Variants in LRRC4C observed in about 807,000 individuals in gnomAD.
LRRC4C encodes leucine rich repeat containing 4C.
A neutral mutation model predicts 33.6 loss-of-function variants in LRRC4C; 5 were observed. That is an observed-to-expected ratio of 0.15 (90% CI 0.08 to 0.31). The LOEUF (loss-of-function observed/expected upper bound fraction) is 0.31, where lower values mean the gene tolerates loss of function less well. LRRC4C is among the 10% of genes least tolerant of loss of function. The pLI, the probability that LRRC4C is intolerant of heterozygous loss-of-function variation, is 1.00. For missense variants in LRRC4C, 560 were observed against 796.7 expected (o/e 0.70, Z 3.58); for synonymous variants, 329 against 302.0 (o/e 1.09, Z -0.93).
At chr11:40,993,735 C>A (rs1171627238) in intron 1 of LRRC4C, among the ~76,000 whole-genome samples, 1 of 151,862 alleles carries the variant, frequency 6.6e-6, no homozygotes, top group Non-Finnish European at 1.5e-5. Flanking sequence ...TCACCAGAGA[C>A]AAAAAGATAG....
intron 1 of LRRC4C, among the ~76,000 whole-genome samples, chr11:40,992,894 C>T (rs191588344): frequency 1.3e-5 from 2 of 152,112 alleles, no homozygotes; most frequent in African/African-American, 4.8e-5. Context: ...TCTGCCAGTA[C>T]AGACAAGAAC....
At chr11:41,381,585 C>G in intron 1 of LRRC4C, among the ~76,000 whole-genome samples, 1 of 150,782 alleles carries the variant, frequency 6.6e-6, no homozygotes, top group African/African-American at 2.4e-5. Context: ...CAAGATTGCG[C>G]CACTGTACTC....
intron 1 of LRRC4C, among the ~76,000 whole-genome samples, chr11:41,358,233 C>T (rs78846168): frequency 0.019 from 2,956 of 152,130 alleles, 92 homozygotes; most frequent in African/African-American, 0.069. Context: ...GAATCTTAGA[C>T]TCTTTGCAAA....
At chr11:41,354,718 A>G (rs137994762) in intron 1 of LRRC4C, among the ~76,000 whole-genome samples, 2 of 152,158 alleles carry the variant, frequency 1.3e-5, no homozygotes, top group Non-Finnish European at 2.9e-5. Context: ...TTCTACCACC[A>G]TCTAATCTTC....
At chr11:40,226,928 T>G (rs1366917108) in intron 5 of LRRC4C, among the ~76,000 whole-genome samples, 1 of 152,090 alleles carries the variant, frequency 6.6e-6, no homozygotes, top group Non-Finnish European at 1.5e-5. Context: ...TTACAAAGAG[T>G]CTTTTATCTC....
At chr11:40,998,877 C>T (rs1854165305) in intron 1 of LRRC4C, among the ~76,000 whole-genome samples, 1 of 152,024 alleles carries the variant, frequency 6.6e-6, no homozygotes, top group Admixed American at 6.6e-5. Context: ...CCCCAGCAAC[C>T]CAACCCAAAT....
intron 5 of LRRC4C, among the ~76,000 whole-genome samples, chr11:40,183,104 A>AT (rs1196544499): frequency 1.3e-5 from 2 of 152,346 alleles, no homozygotes; most frequent in Non-Finnish European, 2.9e-5. Flanking sequence ...AAATAAAGAG[A>AT]TTTTTTAAAA....
chr11:40,952,173 G>A (rs942341203), intron 1 of LRRC4C, among the ~76,000 whole-genome samples: 3 of 151,882 alleles, frequency 2.0e-5, no homozygotes, highest in Non-Finnish European at 4.4e-5. Flanking sequence ...AGCAATGTGA[G>A]TGACTAAGTA....
At chr11:40,438,954 A>G (rs1214135116) in intron 3 of LRRC4C, among the ~76,000 whole-genome samples, 16 of 133,262 alleles carry the variant, frequency 1.2e-4, no homozygotes, top group Non-Finnish European at 4.7e-5. Flanking sequence ...TTTTTGAGAC[A>G]GAGTCTCACT....
At chr11:40,750,725 C>T (rs1468289759) in intron 2 of LRRC4C, among the ~76,000 whole-genome samples, 1 of 150,332 alleles carries the variant, frequency 6.7e-6, no homozygotes, top group African/African-American at 2.4e-5. Flanking sequence ...ATGGGTGCAG[C>T]ACACCAACAT....
chr11:40,571,313 A>C (rs1957974427), intron 3 of LRRC4C, among the ~76,000 whole-genome samples: 1 of 152,052 alleles, frequency 6.6e-6, no homozygotes, highest in Non-Finnish European at 1.5e-5. Flanking sequence ...TTGCCCACCG[A>C]TGTTAATTTT....
intron 5 of LRRC4C, among the ~76,000 whole-genome samples, chr11:40,143,772 A>G (rs187724043): frequency 3.3e-5 from 5 of 152,252 alleles, no homozygotes; most frequent in Non-Finnish European, 5.9e-5. Flanking sequence ...TCTCAAAACT[A>G]GAGATAACAT....
intron 1 of LRRC4C, among the ~76,000 whole-genome samples, chr11:41,336,427 A>T (rs1951455304): frequency 1.5e-5 from 2 of 133,972 alleles, no homozygotes; most frequent in Admixed American, 1.6e-4. Flanking sequence ...GTGGGAAAAA[A>T]AAATAAAAGG....
intron 4 of LRRC4C, among the ~76,000 whole-genome samples, chr11:40,295,366 T>C (rs2136621619): frequency 6.6e-6 from 1 of 152,294 alleles, no homozygotes; most frequent in African/African-American, 2.4e-5. Context: ...TCCTCTGTTT[T>C]GTATGCCCTA....
At chr11:40,513,886 G>T (rs1010857977) in intron 3 of LRRC4C, among the ~76,000 whole-genome samples, 1 of 152,086 alleles carries the variant, frequency 6.6e-6, no homozygotes, top group African/African-American at 2.4e-5. Context: ...ACAGGAAAGG[G>T]TGATAGAAAC....
intron 3 of LRRC4C, among the ~76,000 whole-genome samples, chr11:40,631,985 A>G (rs890378583): frequency 2.0e-5 from 3 of 152,190 alleles, no homozygotes; most frequent in African/African-American, 7.2e-5. Context: ...CTTGAAGCAG[A>G]TATTATTAAC....
chr11:40,776,007 AT>A (rs565727439), intron 2 of LRRC4C, among the ~76,000 whole-genome samples: 75 of 152,100 alleles, frequency 4.9e-4, no homozygotes, highest in Non-Finnish European at 8.2e-4. Context: ...TATCAAAAGG[AT>A]TTTCTGTATC....
intron 1 of LRRC4C, among the ~76,000 whole-genome samples, chr11:41,444,322 A>G (rs1955750310): frequency 6.6e-6 from 1 of 152,244 alleles, no homozygotes; most frequent in Admixed American, 6.5e-5. Context: ...ATAATACAGT[A>G]TAACAACTAA....
intron 2 of LRRC4C, among the ~76,000 whole-genome samples, chr11:40,868,062 C>T (rs1354925118): frequency 6.6e-6 from 1 of 152,114 alleles, no homozygotes; most frequent in Non-Finnish European, 1.5e-5. Flanking sequence ...ACACGTAGTA[C>T]TTAGGATTAG....
Sources: gnomAD v4.1 joint callset for allele counts (sites outside exome capture counted in the v4.1 genomes callset) on GRCh38, gnomAD v4.1.1 for gene constraint, MANE v1.5 for transcripts, NCBI Gene and HGNC (gene_info 2026-07-23, HGNC 2026-07-21) for gene names.